EIF4G3: variants seen among roughly 807,000 people sequenced by gnomAD.
The protein encoded by EIF4G3 is eIF-4-gamma 3.
EIF4G3 carries 34 observed loss-of-function variants against 186.4 expected under a neutral mutation model. The ratio of observed to expected loss-of-function variants is 0.18; its 90% CI spans 0.14 to 0.24. EIF4G3 has a LOEUF of 0.24. EIF4G3 is among the 10% of genes least tolerant of loss of function. The pLI, the probability that EIF4G3 is intolerant of heterozygous loss-of-function variation, is 1.00. For missense variants in EIF4G3, 1,536 were observed against 1,948.5 expected (o/e 0.79, Z 3.99); for synonymous variants, 673 against 679.5 (o/e 0.99, Z 0.15).
At chr1:21,134,053 C>G (rs868460407) in intron 2 of EIF4G3, among the ~76,000 whole-genome samples, 13 of 152,170 alleles carry the variant, frequency 8.5e-5, no homozygotes, top group Admixed American at 2.0e-4. Flanking sequence ...TAAAATCTCA[C>G]ATTAGAATTT....
intron 4 of EIF4G3, among the ~76,000 whole-genome samples, chr1:21,013,066 T>C (rs2087679156): frequency 1.3e-5 from 2 of 152,114 alleles, no homozygotes; most frequent in South Asian, 4.1e-4. Flanking sequence ...AGCACTCACA[T>C]TCTCCAGCTA....
intron 2 of EIF4G3, among the ~76,000 whole-genome samples, chr1:21,105,250 G>C (rs2096594876): frequency 6.6e-6 from 1 of 152,022 alleles, no homozygotes; most frequent in Admixed American, 6.6e-5. Flanking sequence ...TGGTGAAACC[G>C]CATTTCTACT....
chr1:20,924,329 T>A (rs2094709066), intron 14 of EIF4G3, among the ~76,000 whole-genome samples: 1 of 152,170 alleles, frequency 6.6e-6, no homozygotes, highest in African/African-American at 2.4e-5. Flanking sequence ...TTTTCTGCAC[T>A]CTAATGAAAA....
intron 2 of EIF4G3, among the ~76,000 whole-genome samples, chr1:21,145,280 G>GACAT (rs949336462): frequency 6.6e-6 from 1 of 151,858 alleles, no homozygotes; most frequent in African/African-American, 2.4e-5. Flanking sequence ...TGCCAAAGAT[G>GACAT]ACATGACTAC....
chr1:20,995,515 G>A lies in EIF4G3; in HGVS notation c.177+2086C>T, dbSNP rs1163445349. On this transcript the variant is annotated intron_variant, in intron 7 of 36. Transcript: ENST00000602326. ...GCCTCCCAAGTAACTGGGATTACAG[G>A]TGCCCACCACCACGCCCGGCTACTT... is the stretch of plus-strand genomic sequence containing the variant. Among the ~76,000 whole-genome samples, 8 of 152,196 alleles carry A rather than the reference G, an allele frequency of 5.3e-5. No individual in the cohort carries two copies. The South Asian group carries it at 1.2e-3, about 24-fold the overall frequency.
chr1:20,985,171 C>A (rs2079178168), intron 7 of EIF4G3, among the ~76,000 whole-genome samples: 1 of 152,186 alleles, frequency 6.6e-6, no homozygotes, highest in Non-Finnish European at 1.5e-5. Context: ...TCCAACTATA[C>A]TAACGGGTGG....
intron 2 of EIF4G3, among the ~76,000 whole-genome samples, chr1:21,136,284 C>A (rs150140758): frequency 0.029 from 4,373 of 151,834 alleles, 131 homozygotes; most frequent in East Asian, 0.14. Context: ...TTTGGGAGGC[C>A]CAGGCAGGTG....
intron 30 of EIF4G3, among the ~76,000 whole-genome samples, chr1:20,833,585 G>A (rs2065907008): frequency 2.0e-5 from 3 of 152,084 alleles, no homozygotes; most frequent in Non-Finnish European, 4.4e-5. Flanking sequence ...TTTCCTAACT[G>A]AATACCCTTT....
At chr1:21,021,238 C>T (rs182558177) in intron 4 of EIF4G3, among the ~76,000 whole-genome samples, 2 of 152,312 alleles carry the variant, frequency 1.3e-5, no homozygotes, top group Admixed American at 1.3e-4. Context: ...CCCACCTCAG[C>T]CCCCCAAAGT....
At chr1:20,976,926 T>G (rs1041215378) in intron 10 of EIF4G3, among the ~76,000 whole-genome samples, 8 of 152,080 alleles carry the variant, frequency 5.3e-5, no homozygotes, top group African/African-American at 1.9e-4. Flanking sequence ...AAAAATAGAT[T>G]ATGTATATTT....
intron 4 of EIF4G3, among the ~76,000 whole-genome samples, chr1:21,014,965 T>A (rs866757997): frequency 1.3e-5 from 2 of 150,606 alleles, no homozygotes; most frequent in Admixed American, 6.6e-5. Context: ...CTGTCCTAAA[T>A]ACACTCAATA....
intron 2 of EIF4G3, among the ~76,000 whole-genome samples, chr1:21,152,664 C>T (rs559670944): frequency 4.6e-5 from 7 of 152,170 alleles, no homozygotes; most frequent in East Asian, 3.9e-4. Flanking sequence ...GAGGTCATTG[C>T]GGTATTAGCT....
At chr1:20,847,877 G>T in intron 29 of EIF4G3, 1 of 470,280 alleles carries the variant, frequency 2.1e-6, no homozygotes, top group African/African-American at 2.0e-5. Flanking sequence ...AGGCTTGAAG[G>T]CTTTAGAAGA....
At chr1:21,070,310 A>G (rs1330483840) in intron 3 of EIF4G3, among the ~76,000 whole-genome samples, 1 of 152,202 alleles carries the variant, frequency 6.6e-6, no homozygotes, top group Non-Finnish European at 1.5e-5. Flanking sequence ...AAAAAAAGAA[A>G]AAGTAGTGCC....
chr1:20,860,375 C>T lies in EIF4G3; in HGVS notation c.3244+10G>A. The T allele has an allele frequency of 1.2e-6, 2 of 1,613,864 alleles. No homozygotes were observed. The highest frequency in any genetic ancestry group is 8.5e-7 in the Non-Finnish European group (1 of 1,179,930). On this transcript the variant is annotated intron_variant, in intron 24 of 36. Transcript: ENST00000602326. ...CAAGTTCTCTAAACCCTGGTGGATT[C>T]CGGCCTCACCTGGTCTTCTCTTCTC...
chr1:20,864,817 G>C (rs902080594), intron 21 of EIF4G3, 105 bp from the exon 22 acceptor site: 1 of 1,044,870 alleles, frequency 9.6e-7, no homozygotes, highest in Non-Finnish European at 1.4e-6. Context: ...CTGATAGCAA[G>C]TGTAGAATCT....
intron 11 of EIF4G3, among the ~76,000 whole-genome samples, chr1:20,970,012 G>C (rs11577573): frequency 0.033 from 4,998 of 151,858 alleles, 273 homozygotes; most frequent in African/African-American, 0.11. Context: ...CACCCAGGCT[G>C]GAGTGCAGTG....
At chr1:20,976,081 T>A (rs2076795747) in intron 10 of EIF4G3, among the ~76,000 whole-genome samples, 1 of 152,048 alleles carries the variant, frequency 6.6e-6, no homozygotes, top group South Asian at 2.1e-4. Context: ...AATGATGTAT[T>A]GCAAAATGAA....
At chr1:21,101,369 A>T (rs1366875370) in intron 2 of EIF4G3, among the ~76,000 whole-genome samples, 2 of 151,900 alleles carry the variant, frequency 1.3e-5, no homozygotes, top group African/African-American at 4.8e-5. Flanking sequence ...GGAGTTCAAG[A>T]CCAGCCTGGC....
Sources: gnomAD v4.1 joint callset for allele counts (sites outside exome capture counted in the v4.1 genomes callset) on GRCh38, gnomAD v4.1.1 for gene constraint, MANE v1.5 for transcripts, NCBI Gene and HGNC (gene_info 2026-07-23, HGNC 2026-07-21) for gene names.